The following SETX variants were observed in gnomAD, a reference collection of about 807,000 sequenced individuals.
SETX encodes helicase senataxin.
SETX carries 90 observed loss-of-function variants against 227.2 expected under a neutral mutation model. The ratio of observed to expected loss-of-function variants is 0.40; its 90% confidence interval spans 0.33 to 0.47. SETX has a LOEUF of 0.47. Ranked by LOEUF, SETX falls within the 20% of genes least tolerant of loss-of-function variation. SETX has a pLI of 0.91. For synonymous variants in SETX, 1,210 were observed against 1,113.2 expected, an observed-to-expected ratio of 1.09 and a Z score of -1.73; for missense variants, 3,052 against 3,181.5, an observed-to-expected ratio of 0.96 and a Z score of 0.98.
At chr9:132,310,883 CCTT>C (rs1845612257) in intron 11 of SETX, among the ~76,000 whole-genome samples, 1 of 152,134 alleles carries the variant, frequency 6.6e-6, no homozygotes, top group Non-Finnish European at 1.5e-5. Flanking sequence ...ATCTTCTCTT[CCTT>C]ATGATTTTAG....
chr9:132,285,455 G>C (rs541546708), intron 18 of SETX, among the ~76,000 whole-genome samples: 1 of 152,258 alleles, frequency 6.6e-6, no homozygotes, highest in South Asian at 2.1e-4. Context: ...ACTGAGAAAA[G>C]CCCATAGCTG....
chr9:132,343,091 G>A lies in SETX; in HGVS notation c.389-292C>T, dbSNP rs1335934642. Among the ~76,000 whole-genome samples, 6 of 152,000 alleles carry A rather than the reference G, an allele frequency of 3.9e-5. No homozygotes were observed. The South Asian group carries it at 8.3e-4, about 21-fold the overall frequency. On this transcript the variant is annotated intron_variant, in intron 4 of 25. Coordinates refer to ENST00000224140, the MANE Select transcript of SETX (RefSeq NM_015046.7). ...TCCCAGCACTTTGGGAGGCCGAGGC[G>A]GGCGGATCACAAGGTCAGGAGATCG...
chr9:132,302,213 C>T (rs956682581), intron 11 of SETX, among the ~76,000 whole-genome samples: 1 of 151,282 alleles, frequency 6.6e-6, no homozygotes, highest in Non-Finnish European at 1.5e-5. Flanking sequence ...AAAAATTAGC[C>T]GGGCATGGTG....
rs34471360 is a variant in SETX at position 132,346,786 on chromosome 9, T to TAA, written c.178-317_178-316dup. 4.4e-3 allele frequency among the ~76,000 whole-genome samples: 633 copies of TAA among 143,710 alleles called. 4 individuals are homozygous for TAA. The highest frequency in any genetic ancestry group is 9.5e-3 in the African/African-American group (368 of 38,908). The allele number at this position is 143,710 out of a possible 152,430, so 94.3% of individuals were successfully genotyped here. A position where few individuals can be genotyped will look rare whatever the true frequency, so the allele number is the denominator to read the frequency against. ...GGGTAGCAAAGCAAGACCCTGTCAC[T>TAA]AAAAAAAAAAAAAATAGAAAAATTA... On this transcript the variant is annotated intron_variant, in intron 3 of 25. Transcript: ENST00000224140.
chr9:132,330,612 C>T (rs1340795496), intron 9 of SETX, 113 bp from the exon 10 acceptor site: 4 of 858,212 alleles, frequency 4.7e-6, no homozygotes, highest in African/African-American at 1.7e-5. Context: ...TGGTTTACCA[C>T]ATCATTATTA....
intron 11 of SETX, among the ~76,000 whole-genome samples, chr9:132,305,571 C>G (rs1377724163): frequency 6.6e-6 from 1 of 152,150 alleles, no homozygotes; most frequent in Non-Finnish European, 1.5e-5. Context: ...ACCTCCCAAT[C>G]TGACAGACTG....
intron 21 of SETX, 59 bp from the exon 22 acceptor site, chr9:132,277,211 T>C: frequency 6.7e-7 from 1 of 1,481,644 alleles, no homozygotes; most frequent in South Asian, 1.2e-5. Flanking sequence ...AGAAAATATC[T>C]TGGTATTACT....
chr9:132,355,321 G>C (rs1421653759), upstream of SETX, among the ~76,000 whole-genome samples: 1 of 152,190 alleles, frequency 6.6e-6, no homozygotes, highest in South Asian at 2.1e-4. Flanking sequence ...GCCCTTACCC[G>C]CTGGCCATTT....
At chr9:132,310,957 AGTT>A (rs1265771679) in intron 11 of SETX, among the ~76,000 whole-genome samples, 2 of 152,038 alleles carry the variant, frequency 1.3e-5, no homozygotes, top group Non-Finnish European at 2.9e-5. Flanking sequence ...ATATAATTGT[AGTT>A]GTTGTTTTTT....
chr9:132,293,219 C>T (rs918293308), intron 15 of SETX, among the ~76,000 whole-genome samples: 1 of 151,866 alleles, frequency 6.6e-6, no homozygotes, highest in Non-Finnish European at 1.5e-5. Flanking sequence ...AATTCAACAC[C>T]CATTCATAAC....
chr9:132,283,612 GC>G lies in SETX; in HGVS notation c.6397-200del, dbSNP rs530967146. Among the ~76,000 whole-genome samples, 25 of 152,332 alleles carry G rather than the reference GC, an allele frequency of 1.6e-4. No individual in the cohort carries two copies. The East Asian group carries it at 4.4e-3, about 27-fold the overall frequency. On this transcript the variant is annotated intron_variant, in intron 18 of 25. Transcript: ENST00000224140. The stretch of plus-strand genomic sequence containing the variant: ...TAATCACAAAGCAGAAAGAATGTGT[GC>G]TTCGCGGCTGAAACACAGAATATGA...
At chr9:132,272,914 T>C (rs1842969733) in intron 23 of SETX, among the ~76,000 whole-genome samples, 1 of 152,188 alleles carries the variant, frequency 6.6e-6, no homozygotes, top group Non-Finnish European at 1.5e-5. Flanking sequence ...TCTACAGATG[T>C]AATCCAACTG....
At chr9:132,334,237 A>G (rs1460521066) in intron 7 of SETX, among the ~76,000 whole-genome samples, 1 of 152,182 alleles carries the variant, frequency 6.6e-6, no homozygotes, top group Non-Finnish European at 1.5e-5. Flanking sequence ...CCTGAGATCA[A>G]GAGTTCAAGA....
intron 10 of SETX, among the ~76,000 whole-genome samples, chr9:132,318,334 C>T (rs1005424788): frequency 6.6e-6 from 1 of 152,184 alleles, no homozygotes; most frequent in South Asian, 2.1e-4. Flanking sequence ...GCTTTACCTG[C>T]TCCATGTTGT....
chr9:132,269,124 C>T (rs1484103788), intron 25 of SETX, among the ~76,000 whole-genome samples: 2 of 152,252 alleles, frequency 1.3e-5, no homozygotes, highest in Admixed American at 6.5e-5. Flanking sequence ...GAAACTCGTA[C>T]ACCTCTTCCA....
intron 22 of SETX, among the ~76,000 whole-genome samples, chr9:132,275,687 A>G (rs1843126257): frequency 6.6e-6 from 1 of 152,248 alleles, no homozygotes; most frequent in African/African-American, 2.4e-5. Context: ...AAGAGTTTGA[A>G]ATCAACTGAA....
rs1211053963 is a variant in SETX, at chr9:132,336,346, A to G, written c.668T>C (p.Leu223Pro). The change falls in exon 6 of 26, where the codon CTT becomes CCT. Residue 223 changes from leucine (L) to proline (P), a missense_variant. Transcript: ENST00000224140. ...SSVLEKGKLI[L>P]LPSHMYDTTN... ...AGTATCATACATGTGTGAGGGCAGA[A>G]GAATCAGTTTACCCTTCTCTAGGAC... is the stretch of plus-strand genomic sequence containing the variant. The G allele has an allele frequency of 6.2e-7, 1 of 1,614,010 alleles. No individual in the cohort carries two copies. The highest frequency in any genetic ancestry group is 8.5e-7 in the Non-Finnish European group (1 of 1,179,986).
chr9:132,293,166 CA>C (rs1466154257), intron 15 of SETX, among the ~76,000 whole-genome samples: 1 of 152,048 alleles, frequency 6.6e-6, no homozygotes, highest in Non-Finnish European at 1.5e-5. Context: ...ACCATATTAA[CA>C]GATTAAAGAA....
chr9:132,349,183 C>A, intron 3 of SETX, 69 bp downstream of exon 3: 2 of 1,412,306 alleles, frequency 1.4e-6, no homozygotes, highest in Non-Finnish European at 2.0e-6. Context: ...ATACTTCCAA[C>A]GGAGTTCAAA....
Sources: allele counts gnomAD v4.1 joint callset (sites outside exome capture counted in the v4.1 genomes callset), GRCh38; gene constraint gnomAD v4.1.1; transcripts MANE v1.5; gene names NCBI Gene and HGNC (gene_info 2026-07-23, HGNC 2026-07-21).